The following RELN variants were observed in gnomAD, a reference collection of about 807,000 sequenced individuals.
RELN encodes reelin.
In RELN, 108 loss-of-function variants were observed where a neutral mutation model predicts 427.6. The ratio of observed to expected loss-of-function variants is 0.25; its 90% CI spans 0.22 to 0.30. The LOEUF (loss-of-function observed/expected upper bound fraction) is 0.30. Ranked by LOEUF, RELN falls within the 10% of genes least tolerant of loss-of-function variation. The pLI is 1.00. For synonymous variants in RELN, 1,524 were observed against 1,513.4 expected (o/e 1.01, Z -0.16); for missense variants, 3,715 against 4,302.8 (o/e 0.86, Z 3.82).
intron 3 of RELN, among the ~76,000 whole-genome samples, chr7:103,792,450 GA>G (rs939099129): frequency 6.6e-6 from 1 of 150,568 alleles, no homozygotes; most frequent in African/African-American, 2.4e-5. Flanking sequence ...TATGCAAAGT[GA>G]AAAAAATCCA....
intron 20 of RELN, among the ~76,000 whole-genome samples, chr7:103,624,402 A>G (rs1173121616): frequency 6.6e-6 from 1 of 151,734 alleles, no homozygotes; most frequent in Non-Finnish European, 1.5e-5. Context: ...ATACCACTCA[A>G]TGTTACCCTT....
chr7:103,713,616 G>C (rs1789859297), intron 8 of RELN, among the ~76,000 whole-genome samples: 1 of 151,322 alleles, frequency 6.6e-6, no homozygotes, highest in African/African-American at 2.4e-5. Context: ...AATGTGATGA[G>C]CAACATGAAG....
At chr7:103,874,957 A>C (rs1194736780) in intron 2 of RELN, among the ~76,000 whole-genome samples, 1 of 146,510 alleles carries the variant, frequency 6.8e-6, no homozygotes, top group African/African-American at 2.4e-5. Flanking sequence ...ACTTCAAACT[A>C]TACTACAAGG....
rs76446589 is a variant in RELN at position 103,831,501 on chromosome 7, A to G, written c.473+2036T>C. On this transcript the variant is annotated intron_variant, in intron 3 of 64. Transcript: ENST00000428762. ...ATATAATCAGCTCTACAATAGAGTT[A>G]TAAGAAAAATGTGACTATACGCGTC... Among the ~76,000 whole-genome samples, 568 of 152,310 alleles carry G rather than the reference A, an allele frequency of 3.7e-3. 20 individuals carry two copies. The East Asian group carries it at 0.062, about 17-fold the overall frequency.
At chr7:103,978,774 C>T (rs1271139765) in intron 1 of RELN, among the ~76,000 whole-genome samples, 1 of 152,190 alleles carries the variant, frequency 6.6e-6, no homozygotes, top group Non-Finnish European at 1.5e-5. Context: ...TCGGAATTGA[C>T]ATGTCTGCCT....
At chr7:103,736,466 A>G (rs571990) in intron 6 of RELN, among the ~76,000 whole-genome samples, 78,649 of 152,022 alleles carry the variant, frequency 0.52, 20,504 homozygotes, top group African/African-American at 0.55. Flanking sequence ...GCTAACACAT[A>G]CTGTAAATGC....
intron 3 of RELN, among the ~76,000 whole-genome samples, chr7:103,810,130 A>T (rs262378): frequency 2.0e-5 from 3 of 152,120 alleles, no homozygotes; most frequent in Admixed American, 6.6e-5. Context: ...TGCTGTTATC[A>T]TTGCCCTTCT....
rs1831715022 is a variant in RELN at position 103,603,117 on chromosome 7, AAG to A, written c.3333+185_3333+186del. Among the ~76,000 whole-genome samples the A allele has an allele frequency of 6.6e-6, 1 of 152,232 alleles. No individual in the cohort carries two copies. Among genetic ancestry groups the A allele is most frequent in the African/African-American group, 2.4e-5 (1 of 41,464 alleles). On this transcript the variant is annotated intron_variant, in intron 24 of 64. Coordinates refer to ENST00000428762, the MANE Select transcript of RELN (RefSeq NM_005045.4). This position sits in a 1 kb window ranked among gnomAD's most constrained non-coding sequence, Gnocchi z 4.3. The stretch of plus-strand genomic sequence containing the variant: ...TTAACCTGATTTTTTAGTAACCAAA[AAG>A]AGTAATAAAAAGAACAACAAGAATT...
intron 5 of RELN, among the ~76,000 whole-genome samples, chr7:103,751,648 G>C (rs965262138): frequency 6.6e-6 from 1 of 152,234 alleles, no homozygotes; most frequent in Non-Finnish European, 1.5e-5. Context: ...CAATCTGGCC[G>C]AGACTTGGCT....
At chr7:103,577,028 C>T (rs931007520) in intron 28 of RELN, among the ~76,000 whole-genome samples, 8 of 152,244 alleles carry the variant, frequency 5.3e-5, no homozygotes, top group East Asian at 3.9e-4. Flanking sequence ...TTCTCAGTTC[C>T]GCTATAATCA....
intron 1 of RELN, among the ~76,000 whole-genome samples, chr7:103,975,712 ATTTTTTTT>A (rs1187478144): frequency 3.3e-5 from 4 of 122,020 alleles, no homozygotes; most frequent in East Asian, 2.3e-4. Flanking sequence ...CGCCTGGCTG[ATTTTTTTT>A]TTTTTTTTTT....
At chr7:103,769,816 T>A (rs1358950214) in intron 4 of RELN, among the ~76,000 whole-genome samples, 1 of 152,232 alleles carries the variant, frequency 6.6e-6, no homozygotes, top group African/African-American at 2.4e-5. Context: ...TTCTTAATCA[T>A]GTTGTCTCAA....
chr7:103,794,465 G>A (rs1483564328), intron 3 of RELN, among the ~76,000 whole-genome samples: 1 of 152,178 alleles, frequency 6.6e-6, no homozygotes, highest in Non-Finnish European at 1.5e-5. Flanking sequence ...TGGCCTGGCA[G>A]TGGATTATCT....
chr7:103,728,415 A>C (rs953853844), intron 6 of RELN, among the ~76,000 whole-genome samples: 8 of 152,190 alleles, frequency 5.3e-5, no homozygotes, highest in African/African-American at 1.9e-4. Context: ...AGTTACTTAC[A>C]GTGGTGGGTA....
intron 2 of RELN, among the ~76,000 whole-genome samples, chr7:103,899,604 T>G (rs57515751): frequency 0.23 from 34,878 of 151,974 alleles, 4,248 homozygotes; most frequent in South Asian, 0.38. Flanking sequence ...ATGATCAAGT[T>G]GGCTTCATCC....
intron 59 of RELN, 92 bp from the exon 60 acceptor site, chr7:103,489,991 G>T (rs1828593935): frequency 2.1e-6 from 3 of 1,456,186 alleles, no homozygotes; most frequent in South Asian, 1.2e-5. Flanking sequence ...GGGACTATTT[G>T]TGAGAAAAGG....
intron 17 of RELN, among the ~76,000 whole-genome samples, chr7:103,638,042 T>C (rs1832620888): frequency 6.6e-6 from 1 of 151,484 alleles, no homozygotes; most frequent in South Asian, 2.1e-4. Flanking sequence ...ATAATGCTGA[T>C]AAAGATAAAG....
Position 103,472,393 on chromosome 7 carries a change from C to G in RELN, c.*419G>C. On this transcript the variant is annotated 3_prime_UTR_variant, in exon 65 of 65. Coordinates refer to ENST00000428762, the MANE Select transcript of RELN (RefSeq NM_005045.4). Reference sequence around the variant, plus strand: ...AAAGGACAAACAATGATAATTTAATCATATAAAACATGAGACATAGCCGAA... The same window carrying G: ...AAAGGACAAACAATGATAATTTAATGATATAAAACATGAGACATAGCCGAA... 4.5e-6 allele frequency: 1 copy of G among 220,560 alleles called. No individual in the cohort carries two copies. The highest frequency in any genetic ancestry group is 2.3e-5 in the African/African-American group (1 of 42,978). 13.7% of individuals were successfully genotyped at this position (220,560 alleles called of 1,614,324 possible). A position where few individuals can be genotyped will look rare whatever the true frequency, so the allele number is the denominator to read the frequency against.
chr7:103,660,145 T>C (rs887399036), intron 12 of RELN, among the ~76,000 whole-genome samples: 8 of 151,980 alleles, frequency 5.3e-5, no homozygotes, highest in Non-Finnish European at 1.2e-4. Flanking sequence ...TATAATAAAA[T>C]CAAAATATGG....
Sources: gnomAD v4.1 joint callset for allele counts (sites outside exome capture counted in the v4.1 genomes callset) on GRCh38, gnomAD v4.1.1 for gene constraint, Gnocchi (gnomAD v3.1) non-coding constraint, MANE v1.5 for transcripts, NCBI Gene and HGNC (gene_info 2026-07-23, HGNC 2026-07-21) for gene names.